SLC35A3: variants seen among roughly 807,000 people sequenced by gnomAD.
The protein encoded by SLC35A3 is UDP-N-acetylglucosamine transporter.
A neutral mutation model predicts 39.0 loss-of-function variants in SLC35A3; 26 were observed. That is an observed-to-expected ratio of 0.67 (90% CI 0.49 to 0.92). The LOEUF (loss-of-function observed/expected upper bound fraction) is 0.92, where lower values mean the gene tolerates loss of function less well. SLC35A3 is among the 40% of genes least tolerant of loss of function. The pLI, the probability that SLC35A3 is intolerant of heterozygous loss-of-function variation, is 0.00. For synonymous variants in SLC35A3, 135 were observed against 133.1 expected (o/e 1.01, Z -0.10); for missense variants, 299 against 371.6 (o/e 0.80, Z 1.61).
chr1:99,996,992 C>A (rs941080594), intron 2 of SLC35A3, among the ~76,000 whole-genome samples: 1 of 151,730 alleles, frequency 6.6e-6, no homozygotes, highest in African/African-American at 2.4e-5. Context: ...ATTCTAGGCT[C>A]CTTAGAACCC....
chr1:100,023,656 T>C lies in SLC35A3; in HGVS notation c.*1180T>C, dbSNP rs999517198. The C allele has an allele frequency of 1.3e-5, 2 of 152,302 alleles. No homozygotes were observed. The highest frequency in any genetic ancestry group is 1.3e-4 in the Admixed American group (2 of 15,284). The allele number at this position is 152,302 out of a possible 1,614,324, so 9.4% of individuals were successfully genotyped here. ...GGTCTCTCATAAGCCTATTCTTCCC[T>C]GATCACATGAGTGGGAGAGGTAGCC... On this transcript the variant is annotated 3_prime_UTR_variant, in exon 8 of 8. Transcript: ENST00000533028.
At chr1:99,975,234 T>C (rs187178125) in intron 1 of SLC35A3, among the ~76,000 whole-genome samples, 1 of 152,154 alleles carries the variant, frequency 6.6e-6, no homozygotes, top group Admixed American at 6.5e-5. Context: ...AGCCACCGTG[T>C]CCAGCCCCTG....
chr1:100,005,345 G>T (rs1021633439), intron 3 of SLC35A3, among the ~76,000 whole-genome samples: 1 of 152,010 alleles, frequency 6.6e-6, no homozygotes, highest in Non-Finnish European at 1.5e-5. Flanking sequence ...TATTTATTTT[G>T]TGTGGAGAAA....
chr1:100,027,437 G>A lies in SLC35A3; in HGVS notation c.*4961G>A, dbSNP rs1660985458. On this transcript the variant is annotated 3_prime_UTR_variant, in exon 8 of 8. Coordinates refer to ENST00000533028, the MANE Select transcript of SLC35A3 (RefSeq NM_012243.3). Reference sequence around the variant, plus strand: ...ACTGGACTCTAGCCTGAGTGACAGTGAGACTCTGTCTCAAAAAACAAACAA... The same window carrying A: ...ACTGGACTCTAGCCTGAGTGACAGTAAGACTCTGTCTCAAAAAACAAACAA... 1 of 370,556 alleles carries A rather than the reference G, an allele frequency of 2.7e-6. No individual in the cohort carries two copies. The highest frequency in any genetic ancestry group is 4.8e-6 in the Non-Finnish European group (1 of 208,888). 23.0% of individuals were successfully genotyped at this position (370,556 alleles called of 1,614,324 possible).
In SLC35A3 at chr1:99,981,901, C is replaced by T. The variant is rs189593294; in HGVS notation, c.-18-11636C>T. ...TTGTCTCAGAATGATAAGCTTTATA[C>T]ACAGACTGAGAAAGTATACAGACTA... On this transcript the variant is annotated intron_variant, in intron 1 of 7. Coordinates refer to ENST00000533028, the MANE Select transcript of SLC35A3 (RefSeq NM_012243.3). Among the ~76,000 whole-genome samples, 3 of 152,022 alleles carry T rather than the reference C, an allele frequency of 2.0e-5. No homozygotes were observed. The East Asian group carries it at 5.8e-4, about 29-fold the overall frequency.
chr1:100,000,154 G>A (rs996422856), intron 3 of SLC35A3, among the ~76,000 whole-genome samples: 3 of 152,114 alleles, frequency 2.0e-5, no homozygotes, highest in African/African-American at 4.8e-5. Flanking sequence ...AGAATGCTTT[G>A]TACTGTTTTC....
chr1:100,015,412 G>T lies in SLC35A3; in HGVS notation c.745G>T (p.Val249Phe), dbSNP rs778856545. The T allele has an allele frequency of 3.7e-6, 6 of 1,602,598 alleles. No individual in the cohort carries two copies. Among genetic ancestry groups the T allele is most frequent in the Non-Finnish European group, 5.1e-6 (6 of 1,176,674 alleles). The change falls in exon 6 of 8, where the codon GTT becomes TTT. Residue 249 changes from valine (V) to phenylalanine (F), a missense_variant. By Grantham distance (50) the Val-to-Phe change is conservative. Transcript: ENST00000533028. Reference sequence around the variant, plus strand: ...TAACCGACTGACCTGGATAGTAGTTGTTCTTCAGGTAAAGCATTTAAAGTC... The same window carrying T: ...TAACCGACTGACCTGGATAGTAGTTTTTCTTCAGGTAAAGCATTTAAAGTC... ...GYNRLTWIVV[V>F]LQALGGLVIA... is the part of the protein sequence containing the mutation.
intron 5 of SLC35A3, 85 bp from the exon 6 acceptor site, chr1:100,015,217 T>C: frequency 8.0e-7 from 1 of 1,257,346 alleles, no homozygotes; most frequent in Non-Finnish European, 1.0e-6. Context: ...AAGTTAAGTG[T>C]AAAATTATTT....
intron 4 of SLC35A3, among the ~76,000 whole-genome samples, chr1:100,010,402 G>C (rs1017097714): frequency 6.6e-6 from 1 of 152,180 alleles, no homozygotes; most frequent in South Asian, 2.1e-4. Flanking sequence ...GTTTTAAGAA[G>C]TCCAGCTAGT....
rs1439394209 is a variant in SLC35A3, at chr1:100,031,707, A to G, written c.*9231A>G. Reference sequence around the variant, plus strand: ...CCATGCAGTTCAAATCTGTTGTTCAAGAGTCAACTGTATTCCCAGTTGTCT... The same window carrying G: ...CCATGCAGTTCAAATCTGTTGTTCAGGAGTCAACTGTATTCCCAGTTGTCT... On this transcript the variant is annotated 3_prime_UTR_variant, in exon 8 of 8. Transcript: ENST00000533028. The G allele has an allele frequency of 6.6e-6, 1 of 152,218 alleles. No homozygotes were observed. The highest frequency in any genetic ancestry group is 2.4e-5 in the African/African-American group (1 of 41,450). The allele number at this position is 152,218 out of a possible 1,614,324, so 9.4% of individuals were successfully genotyped here.
chr1:99,991,042 A>G (rs1266445180), intron 1 of SLC35A3, among the ~76,000 whole-genome samples: 4 of 152,246 alleles, frequency 2.6e-5, no homozygotes, highest in Non-Finnish European at 5.9e-5. Context: ...CACCCAGTCT[A>G]TGATACTTTG....
intron 3 of SLC35A3, among the ~76,000 whole-genome samples, chr1:100,003,229 A>G (rs1159200514): frequency 1.3e-5 from 2 of 152,002 alleles, no homozygotes; most frequent in Non-Finnish European, 2.9e-5. Flanking sequence ...CAGCCTGGCC[A>G]ACATGGTGAA....
chr1:100,008,799 A>G (rs1189149168), intron 4 of SLC35A3: 2 of 152,352 alleles, frequency 1.3e-5, no homozygotes, highest in East Asian at 3.9e-4. Context: ...TACTTTGTAC[A>G]TATCTTTTCC....
chr1:100,015,514 A>C, intron 6 of SLC35A3, 94 bp downstream of exon 6: 2 of 1,336,874 alleles, frequency 1.5e-6, no homozygotes, highest in South Asian at 1.9e-5. Context: ...TGAGGGGGAA[A>C]AGGTCCCTCC....
intron 1 of SLC35A3, among the ~76,000 whole-genome samples, chr1:99,987,165 C>T (rs1001896983): frequency 2.0e-5 from 3 of 152,214 alleles, no homozygotes; most frequent in African/African-American, 7.2e-5. Flanking sequence ...TCTCCAGTTA[C>T]TAGTAGTGAC....
At chr1:100,002,776 C>T (rs933043251) in intron 3 of SLC35A3, among the ~76,000 whole-genome samples, 56 of 143,686 alleles carry the variant, frequency 3.9e-4, no homozygotes, top group African/African-American at 1.5e-3. Context: ...GCTACCATGC[C>T]GGTTAATTTT....
intron 4 of SLC35A3, among the ~76,000 whole-genome samples, chr1:100,010,078 C>G (rs1453315878): frequency 6.6e-6 from 1 of 152,070 alleles, no homozygotes; most frequent in Non-Finnish European, 1.5e-5. Context: ...ATTTCAGTTC[C>G]TTGGTCGCAC....
intron 6 of SLC35A3, 99 bp from the exon 7 acceptor site, chr1:100,017,583 A>G (rs1660244533): frequency 1.4e-6 from 1 of 732,422 alleles, no homozygotes; most frequent in Non-Finnish European, 2.1e-6. Context: ...ATGGGATTGA[A>G]TTTATGGGAC....
intron 1 of SLC35A3, among the ~76,000 whole-genome samples, chr1:99,986,956 A>G (rs190133546): frequency 4.6e-5 from 7 of 152,370 alleles, no homozygotes; most frequent in Admixed American, 6.5e-5. Flanking sequence ...TTGTTTGCAC[A>G]GAATAAACAA....
Sources: gnomAD v4.1 joint callset for allele counts (sites outside exome capture counted in the v4.1 genomes callset) on GRCh38, gnomAD v4.1.1 for gene constraint, MANE v1.5 for transcripts, NCBI Gene and HGNC (gene_info 2026-07-23, HGNC 2026-07-21) for gene names.